ENTPD1: variants seen among roughly 807,000 people sequenced by gnomAD.
ENTPD1 encodes ectonucleoside triphosphate diphosphohydrolase 1.
ENTPD1 carries 33 observed loss-of-function variants against 57.0 expected under a neutral mutation model. The observed-to-expected ratio is 0.58, with a 90% CI of 0.44 to 0.77. The LOEUF is 0.77. ENTPD1 is among the 30% of genes least tolerant of loss of function. The pLI is 0.00. For synonymous variants in ENTPD1, 202 were observed against 218.8 expected (o/e 0.92, Z 0.68); for missense variants, 501 against 603.4 (o/e 0.83, Z 1.78).
chr10:95,700,127 G>T, the ENTPD1 span, among the ~76,000 whole-genome samples: 1 of 152,170 alleles, frequency 6.6e-6, no homozygotes, highest in Non-Finnish European at 1.5e-5. Context: ...AGAGAGATTT[G>T]AGAAGTAATC....
chr10:95,800,216 T>A (rs1474791908), intron 1 of ENTPD1, among the ~76,000 whole-genome samples: 1 of 152,116 alleles, frequency 6.6e-6, no homozygotes, highest in African/African-American at 2.4e-5. Context: ...AGAGAGAAAT[T>A]TTACAGCTGG....
chr10:95,855,066 G>A (rs191295734), intron 7 of ENTPD1, among the ~76,000 whole-genome samples: 5,678 of 152,186 alleles, frequency 0.037, 128 homozygotes, highest in Non-Finnish European at 0.049. Flanking sequence ...TATTGTGTGG[G>A]AGTCTAAGTC....
chr10:95,697,672 G>C, the ENTPD1 span, among the ~76,000 whole-genome samples: 5 of 152,318 alleles, frequency 3.3e-5, 1 homozygote, highest in African/African-American at 1.2e-4. Flanking sequence ...GTGATGCCCT[G>C]TGCTGCCTTG....
At chr10:95,864,493 A>G (rs1320260118) in intron 8 of ENTPD1, among the ~76,000 whole-genome samples, 1 of 152,214 alleles carries the variant, frequency 6.6e-6, no homozygotes, top group Non-Finnish European at 1.5e-5. Flanking sequence ...ACCTGTTATT[A>G]TCTCATAGAA....
rs112273762 is a variant in ENTPD1, at chr10:95,872,148, C to T, written c.*5765C>T. On this transcript the variant is annotated 3_prime_UTR_variant, in exon 10 of 10. Transcript: ENST00000371205. Reference sequence around the variant, plus strand: ...AGTAAAGAGCTGTAATATATTTTACCTGGACTGATACCAGGAATGGTGGTG... The same window carrying T: ...AGTAAAGAGCTGTAATATATTTTACTTGGACTGATACCAGGAATGGTGGTG... 2 of 985,396 alleles carry T rather than the reference C, an allele frequency of 2.0e-6. No individual in the cohort carries two copies. Among genetic ancestry groups the T allele is most frequent in the East Asian group, 1.1e-4 (1 of 8,824 alleles). 61.0% of individuals were successfully genotyped at this position (985,396 alleles called of 1,614,324 possible).
At position 95,823,297 on chromosome 10, in the gene ENTPD1, T is replaced by C; in HGVS notation, c.77T>C (p.Ile26Thr). 1 of 1,614,218 alleles carries C rather than the reference T, an allele frequency of 6.2e-7. No individual in the cohort carries two copies. Among genetic ancestry groups the C allele is most frequent in the Non-Finnish European group, 8.5e-7 (1 of 1,180,024 alleles). ...CTAGCCATCCTTGGCTTCTCCTCTA[T>C]CATAGCTGTGATAGCTTTGCTTGCT... Reference protein sequence around the residue: ...NILAILGFSSIIAVIALLAVG... With the variant: ...NILAILGFSSTIAVIALLAVG... The change falls in exon 2 of 10, where the codon ATC becomes ACC. Residue 26 changes from isoleucine (I) to threonine (T), a missense_variant. Ile to Thr is a moderately conservative substitution (Grantham distance 89). Coordinates refer to ENST00000371205, the MANE Select transcript of ENTPD1 (RefSeq NM_001776.6).
intron 1 of ENTPD1, among the ~76,000 whole-genome samples, chr10:95,802,805 G>A (rs1555291506): frequency 2.0e-5 from 3 of 152,154 alleles, no homozygotes; most frequent in Admixed American, 6.5e-5. Flanking sequence ...TTTTATGGCT[G>A]CATAGTATTC....
intron 1 of ENTPD1, among the ~76,000 whole-genome samples, chr10:95,802,421 A>T (rs1220092068): frequency 1.3e-5 from 2 of 149,912 alleles, no homozygotes; most frequent in East Asian, 2.0e-4. Flanking sequence ...ATATCCATGA[A>T]TTTTTTTTTT....
At chr10:95,848,420 G>A (rs2098439345) in intron 7 of ENTPD1, among the ~76,000 whole-genome samples, 1 of 152,100 alleles carries the variant, frequency 6.6e-6, no homozygotes, top group African/African-American at 2.4e-5. Flanking sequence ...GGGGAGAGGT[G>A]ACATGGATGT....
At chr10:95,728,147 C>T (rs114981036) in intron 1 of ENTPD1, among the ~76,000 whole-genome samples, 47 of 152,244 alleles carry the variant, frequency 3.1e-4, no homozygotes, top group African/African-American at 1.1e-3. Context: ...GGGCTATAGG[C>T]GCTGAGCCTC....
intron 1 of ENTPD1, among the ~76,000 whole-genome samples, chr10:95,819,580 G>T (rs1367895010): frequency 6.6e-6 from 1 of 152,110 alleles, no homozygotes; most frequent in East Asian, 1.9e-4. Context: ...AAGTCTTGAA[G>T]GTATTTTTCC....
intron 1 of ENTPD1, among the ~76,000 whole-genome samples, chr10:95,786,291 G>C (rs542673121): frequency 6.6e-6 from 1 of 152,192 alleles, no homozygotes; most frequent in Non-Finnish European, 1.5e-5. Flanking sequence ...TGACTTTAAG[G>C]CCACCAGAGG....
rs577036840 is a variant in ENTPD1, at chr10:95,868,590, T to C, written c.*2207T>C. ...TGTCTGCGTATACAAAGCACTGTCA[T>C]GCACACAATCTATTCTGACCCTCAC... On this transcript the variant is annotated 3_prime_UTR_variant, in exon 10 of 10. Transcript: ENST00000371205. 4.1e-6 allele frequency: 4 copies of C among 985,408 alleles called. No homozygotes were observed. In the South Asian group the frequency reaches 1.9e-4, roughly 46 times the overall value. 61.0% of individuals were successfully genotyped at this position (985,408 alleles called of 1,614,324 possible).
the ENTPD1 span, among the ~76,000 whole-genome samples, chr10:95,698,460 G>A: frequency 6.6e-6 from 1 of 152,238 alleles, no homozygotes; most frequent in Admixed American, 6.5e-5. Context: ...GAAACCAAGG[G>A]TGCAGCCCAG....
chr10:95,748,736 A>G (rs2098008729), intron 1 of ENTPD1, among the ~76,000 whole-genome samples: 1 of 152,202 alleles, frequency 6.6e-6, no homozygotes, highest in Non-Finnish European at 1.5e-5. Flanking sequence ...CAGAATTTCA[A>G]GGTCCTGGTA....
At chr10:95,744,905 C>A (rs773993314) in intron 1 of ENTPD1, among the ~76,000 whole-genome samples, 38 of 152,058 alleles carry the variant, frequency 2.5e-4, no homozygotes, top group Non-Finnish European at 4.7e-4. Context: ...CTCTGCTTTA[C>A]TTATTCGACC....
At chr10:95,704,546 A>T in the ENTPD1 span, among the ~76,000 whole-genome samples, 1 of 152,220 alleles carries the variant, frequency 6.6e-6, no homozygotes, top group Non-Finnish European at 1.5e-5. Flanking sequence ...CAGTGAGGAA[A>T]GGGTGATTTT....
upstream of ENTPD1, among the ~76,000 whole-genome samples, chr10:95,707,092 GCC>G (rs2139795329): frequency 6.6e-6 from 1 of 152,256 alleles, no homozygotes; most frequent in South Asian, 2.1e-4. Flanking sequence ...GGGAGCTCCC[GCC>G]CTGCCAACTC....
At chr10:95,712,894 T>C (rs1022664300) in intron 1 of ENTPD1, among the ~76,000 whole-genome samples, 14 of 151,936 alleles carry the variant, frequency 9.2e-5, no homozygotes, top group Admixed American at 2.0e-4. Context: ...ATTAGCCGGG[T>C]GTGGTGGCGG....
Sources: gnomAD v4.1 joint callset for allele counts (sites outside exome capture counted in the v4.1 genomes callset) on GRCh38, gnomAD v4.1.1 for gene constraint, MANE v1.5 for transcripts, NCBI Gene and HGNC (gene_info 2026-07-23, HGNC 2026-07-21) for gene names.